The following ADGRV1 variants were observed in gnomAD, a reference collection of about 807,000 sequenced individuals.
The protein encoded by ADGRV1 is adhesion G protein-coupled receptor V1, also known as G-protein coupled receptor 98.
In ADGRV1, 359 loss-of-function variants were observed where a neutral mutation model predicts 596.2. The ratio of observed to expected loss-of-function variants is 0.60; its 90% confidence interval spans 0.55 to 0.66. ADGRV1 has a LOEUF of 0.66. ADGRV1 is among the 30% of genes least tolerant of loss of function. ADGRV1 has a pLI of 0.00. For synonymous variants in ADGRV1, 2,681 were observed against 2,679.2 expected, an observed-to-expected ratio of 1.00 and a Z score of -0.02; for missense variants, 7,274 against 7,575.6, an observed-to-expected ratio of 0.96 and a Z score of 1.48.
chr5:91,009,460 T>C (rs1562083991), intron 85 of ADGRV1, among the ~76,000 whole-genome samples: 1 of 152,124 alleles, frequency 6.6e-6, no homozygotes, highest in African/African-American at 2.4e-5. Flanking sequence ...CTTACTGTTA[T>C]CCGTCCCATG....
intron 83 of ADGRV1, among the ~76,000 whole-genome samples, chr5:90,895,506 G>A (rs1771228887): frequency 6.6e-6 from 1 of 152,132 alleles, no homozygotes; most frequent in Non-Finnish European, 1.5e-5. Flanking sequence ...GCAACAAAGT[G>A]GACATTGTAG....
intron 87 of ADGRV1, among the ~76,000 whole-genome samples, chr5:91,109,426 A>G (rs552299143): frequency 6.1e-4 from 93 of 152,286 alleles, no homozygotes; most frequent in Admixed American, 1.3e-3. Context: ...AGGTTAACAA[A>G]TCCTGATTTT....
chr5:90,578,834 T>G (rs1357805569), intron 1 of ADGRV1, among the ~76,000 whole-genome samples: 1 of 151,834 alleles, frequency 6.6e-6, no homozygotes, highest in Non-Finnish European at 1.5e-5. Flanking sequence ...CCTGGTGTAG[T>G]CTTGGGAGGT....
At chr5:90,990,146 A>G (rs781560381) in intron 85 of ADGRV1, among the ~76,000 whole-genome samples, 1 of 152,126 alleles carries the variant, frequency 6.6e-6, no homozygotes, top group Non-Finnish European at 1.5e-5. Flanking sequence ...ACCTTTGAAT[A>G]TATCTTTTAT....
chr5:91,089,393 G>T (rs1312397971), intron 86 of ADGRV1, among the ~76,000 whole-genome samples: 1 of 151,828 alleles, frequency 6.6e-6, no homozygotes, highest in Non-Finnish European at 1.5e-5. Context: ...AACTCAAGTA[G>T]ACCTTTTAGA....
rs747532190 is a variant in ADGRV1, at chr5:90,776,625, T to C, written c.12527+49T>C. 2.4e-5 allele frequency: 37 copies of C among 1,574,172 alleles called. No individual in the cohort carries two copies. The South Asian group carries it at 2.9e-4, about 12-fold the overall frequency. ...TGCCTATATGGGGGTTACGAAGTTT[T>C]ATTTAAATCATTAGTCTTAAGTTTA... is the stretch of plus-strand genomic sequence containing the variant. On this transcript the variant is annotated intron_variant, in intron 61 of 89. Coordinates refer to ENST00000405460, the MANE Select transcript of ADGRV1 (RefSeq NM_032119.4).
In ADGRV1 at chr5:90,646,769, C is replaced by CT. The variant is rs146282728; in HGVS notation, c.3022+680dup. Among the ~76,000 whole-genome samples the CT allele has an allele frequency of 2.3e-3, 248 of 107,768 alleles. 1 individual carries two copies. The East Asian group carries it at 0.031, about 13-fold the overall frequency. The allele number at this position is 107,768 out of a possible 152,430, so 70.7% of individuals were successfully genotyped here. Reference sequence around the variant, plus strand: ...TTTTATTGATTTGTATTCTTTCTTTCTTCTTCTTTTTTTTTTTTTTTTTGA... The same window carrying CT: ...TTTTATTGATTTGTATTCTTTCTTTCTTTCTTCTTTTTTTTTTTTTTTTTGA... On this transcript the variant is annotated intron_variant, in intron 16 of 89. Coordinates refer to ENST00000405460, the MANE Select transcript of ADGRV1 (RefSeq NM_032119.4).
chr5:90,911,852 G>C (rs1352091641), intron 83 of ADGRV1, among the ~76,000 whole-genome samples: 1 of 152,030 alleles, frequency 6.6e-6, no homozygotes, highest in Non-Finnish European at 1.5e-5. Flanking sequence ...AGTAGAAACT[G>C]TCATGGTCCC....
intron 1 of ADGRV1, among the ~76,000 whole-genome samples, chr5:90,593,750 G>T (rs2152000443): frequency 6.6e-6 from 1 of 151,968 alleles, no homozygotes; most frequent in South Asian, 2.1e-4. Context: ...AAAAAAATAT[G>T]TAGTATTCAA....
intron 84 of ADGRV1, among the ~76,000 whole-genome samples, chr5:90,983,490 C>G (rs1780248277): frequency 6.6e-6 from 1 of 152,166 alleles, no homozygotes. Context: ...TGGATGCACA[C>G]AAGCATCTAT....
intron 87 of ADGRV1, among the ~76,000 whole-genome samples, chr5:91,136,740 A>G (rs2126822465): frequency 6.6e-6 from 1 of 152,346 alleles, no homozygotes; most frequent in South Asian, 2.1e-4. Flanking sequence ...AAATGTAGTT[A>G]CACATAATGA....
At chr5:90,606,574 T>A (rs1762131441) in intron 1 of ADGRV1, among the ~76,000 whole-genome samples, 1 of 152,110 alleles carries the variant, frequency 6.6e-6, no homozygotes, top group Non-Finnish European at 1.5e-5. Context: ...TGTTGGGAAT[T>A]TATTTATTGT....
rs1781933079 is a variant in ADGRV1, at chr5:91,002,550, G to A, written c.18152+17028G>A. 5.3e-5 allele frequency among the ~76,000 whole-genome samples: 8 copies of A among 151,724 alleles called. No homozygotes were observed. In the South Asian group the frequency reaches 1.7e-3, roughly 32 times the overall value. On this transcript the variant is annotated intron_variant, in intron 85 of 89. Coordinates refer to ENST00000405460, the MANE Select transcript of ADGRV1 (RefSeq NM_032119.4). ...CCTTATTTTGCTTCTTTTCCTTTGG[G>A]TTTGTCTTCTTGGATCCTATTTAGA...
At chr5:90,703,020 T>C (rs1288214739) in intron 34 of ADGRV1, among the ~76,000 whole-genome samples, 1 of 152,036 alleles carries the variant, frequency 6.6e-6, no homozygotes, top group Admixed American at 6.5e-5. Context: ...TCTTCACTTT[T>C]GTGAAGTATT....
intron 1 of ADGRV1, among the ~76,000 whole-genome samples, chr5:90,577,203 C>T (rs896461476): frequency 3.9e-5 from 6 of 152,156 alleles, no homozygotes; most frequent in South Asian, 4.1e-4. Flanking sequence ...ATGCCTATGT[C>T]CTGAATGGTA....
chr5:90,960,152 A>AAAG (rs1562002546), intron 83 of ADGRV1, among the ~76,000 whole-genome samples: 2 of 146,192 alleles, frequency 1.4e-5, no homozygotes, highest in East Asian at 4.3e-4. Flanking sequence ...AAAAAAAAAA[A>AAAG]ACAAAAAACA....
At chr5:90,876,609 A>G (rs754918385) in intron 83 of ADGRV1, among the ~76,000 whole-genome samples, 3 of 152,184 alleles carry the variant, frequency 2.0e-5, no homozygotes, top group African/African-American at 7.2e-5. Flanking sequence ...CTTTCACTCT[A>G]AGATTAGGAA....
chr5:90,788,353 G>T, intron 68 of ADGRV1, 43 bp downstream of exon 68: 1 of 1,528,940 alleles, frequency 6.5e-7, no homozygotes, highest in South Asian at 1.3e-5. Flanking sequence ...GGATTTCATG[G>T]ATTTATCAGA....
intron 52 of ADGRV1, among the ~76,000 whole-genome samples, chr5:90,749,582 G>A (rs1755018875): frequency 6.6e-6 from 1 of 152,190 alleles, no homozygotes; most frequent in Non-Finnish European, 1.5e-5. Context: ...GCTCTCATAA[G>A]TTTTAAGAAA....
Sources: allele counts gnomAD v4.1 joint callset (sites outside exome capture counted in the v4.1 genomes callset), GRCh38; gene constraint gnomAD v4.1.1; transcripts MANE v1.5; gene names NCBI Gene and HGNC (gene_info 2026-07-23, HGNC 2026-07-21).